VWA3B: variants seen among roughly 807,000 people sequenced by gnomAD.
VWA3B encodes the protein von Willebrand factor A domain-containing protein 3B.
Under a neutral mutation model 158.3 loss-of-function variants are expected in VWA3B, and 138 were observed. The ratio of observed to expected loss-of-function variants is 0.87; its 90% CI spans 0.76 to 1.00. The LOEUF (loss-of-function observed/expected upper bound fraction) is 1.00, where lower values mean the gene tolerates loss of function less well. Ranked by LOEUF, VWA3B falls within the 50% of genes least tolerant of loss-of-function variation. VWA3B has a pLI of 0.00. For missense variants in VWA3B, 1,555 were observed against 1,565.1 expected (o/e 0.99, Z 0.11); for synonymous variants, 596 against 587.3 (o/e 1.01, Z -0.21).
chr2:98,131,749 G>A (rs1037832545), intron 6 of VWA3B, among the ~76,000 whole-genome samples: 1 of 152,124 alleles, frequency 6.6e-6, no homozygotes, highest in African/African-American at 2.4e-5. Context: ...CTCATTCCAC[G>A]TCATAGAGAG....
chr2:98,144,870 G>A (rs1317430069), intron 7 of VWA3B, among the ~76,000 whole-genome samples: 1 of 152,256 alleles, frequency 6.6e-6, no homozygotes, highest in East Asian at 1.9e-4. Flanking sequence ...TATCCCCAGA[G>A]TTTTCGAATG....
At chr2:98,094,273 G>A (rs530524977) in intron 2 of VWA3B, among the ~76,000 whole-genome samples, 1 of 152,080 alleles carries the variant, frequency 6.6e-6, no homozygotes, top group Non-Finnish European at 1.5e-5. Flanking sequence ...GTGTGTGTGG[G>A]TATCCTTTTC....
intron 9 of VWA3B, among the ~76,000 whole-genome samples, chr2:98,181,734 A>T (rs1680599861): frequency 1.3e-5 from 2 of 152,222 alleles, no homozygotes; most frequent in Admixed American, 6.5e-5. Context: ...TTTTGTAGGA[A>T]TACAGCTTCT....
intron 9 of VWA3B, among the ~76,000 whole-genome samples, chr2:98,181,747 T>C (rs1680601319): frequency 6.6e-6 from 1 of 152,230 alleles, no homozygotes; most frequent in South Asian, 2.1e-4. Flanking sequence ...CAGCTTCTCC[T>C]AGTGCCTGAC....
At chr2:98,189,331 C>T (rs557217503) in intron 10 of VWA3B, among the ~76,000 whole-genome samples, 7 of 152,284 alleles carry the variant, frequency 4.6e-5, no homozygotes, top group African/African-American at 7.2e-5. Context: ...CGCTTGAACC[C>T]GGGAGGCGGA....
At chr2:98,193,740 C>A (rs867829138) in intron 11 of VWA3B, among the ~76,000 whole-genome samples, 2 of 152,100 alleles carry the variant, frequency 1.3e-5, no homozygotes, top group East Asian at 3.9e-4. Flanking sequence ...CAGGCGCCTG[C>A]CACCACGCCC....
chr2:98,229,669 C>T (rs142521739), intron 15 of VWA3B, among the ~76,000 whole-genome samples: 2 of 152,248 alleles, frequency 1.3e-5, no homozygotes, highest in Admixed American at 1.3e-4. Flanking sequence ...TTGTTTATAA[C>T]CGGCTTTCAC....
intron 23 of VWA3B, chr2:98,291,544 T>C (rs1689493848): frequency 6.6e-6 from 1 of 152,202 alleles, no homozygotes; most frequent in African/African-American, 2.4e-5. Flanking sequence ...TATTAAGGAT[T>C]TGCACTTTAC....
At chr2:98,143,473 G>A (rs1308908108) in intron 7 of VWA3B, among the ~76,000 whole-genome samples, 1 of 152,138 alleles carries the variant, frequency 6.6e-6, no homozygotes, top group African/African-American at 2.4e-5. Flanking sequence ...CTCTAGCTGT[G>A]TACCCCTGAG....
chr2:98,115,242 A>T (rs1674437674), intron 2 of VWA3B, among the ~76,000 whole-genome samples: 2 of 152,120 alleles, frequency 1.3e-5, no homozygotes, highest in Admixed American at 1.3e-4. Flanking sequence ...GGAATTGAAC[A>T]ATGAGAACAC....
chr2:98,314,399 CT>C (rs1381151336), downstream of VWA3B, among the ~76,000 whole-genome samples: 12 of 152,314 alleles, frequency 7.9e-5, no homozygotes, highest in African/African-American at 2.9e-4. Context: ...TTACACAGGG[CT>C]GGGAATATTT....
At position 98,188,339 on chromosome 2, in the gene VWA3B, T is replaced by C. The variant is rs367974389; in HGVS notation, c.1466+210T>C. Among the ~76,000 whole-genome samples the C allele has an allele frequency of 3.5e-4, 53 of 152,336 alleles. No individual in the cohort carries two copies. In the East Asian group the frequency reaches 5.8e-3, roughly 17 times the overall value. On this transcript the variant is annotated intron_variant, in intron 10 of 27. Coordinates refer to ENST00000477737, the MANE Select transcript of VWA3B (RefSeq NM_144992.5). Reference sequence around the variant, plus strand: ...TCCATCACCTCAAACACACGTCGTTTCTGTATGTTGTGAACATTCAAAATT... The same window carrying C: ...TCCATCACCTCAAACACACGTCGTTCCTGTATGTTGTGAACATTCAAAATT...
intron 25 of VWA3B, among the ~76,000 whole-genome samples, chr2:98,302,109 C>T (rs1690236202): frequency 1.3e-5 from 2 of 152,158 alleles, no homozygotes; most frequent in African/African-American, 4.8e-5. Flanking sequence ...GCTCCATGAG[C>T]TTGACCTCCA....
chr2:98,322,518 G>C, the VWA3B span, among the ~76,000 whole-genome samples: 1 of 152,200 alleles, frequency 6.6e-6, no homozygotes, highest in Non-Finnish European at 1.5e-5. Context: ...ATGTACAAGA[G>C]AGAACCCAGG....
chr2:98,216,399 A>T (rs1683989205), intron 13 of VWA3B, among the ~76,000 whole-genome samples: 2 of 152,268 alleles, frequency 1.3e-5, no homozygotes, highest in Non-Finnish European at 2.9e-5. Context: ...GAAAATGGAC[A>T]TGATAAAGGC....
intron 22 of VWA3B, among the ~76,000 whole-genome samples, chr2:98,285,333 C>T (rs1219166855): frequency 6.6e-6 from 1 of 151,942 alleles, no homozygotes; most frequent in Non-Finnish European, 1.5e-5. Context: ...TATTCATTCC[C>T]CAGTTAATGG....
rs1364482988 is a variant in VWA3B, at chr2:98,236,418, G to T, written c.2457G>T (p.Trp819Cys). Residue 819 changes from tryptophan (W) to cysteine (C), a missense_variant, in exon 18 of 28, where the codon TGG (tryptophan) becomes TGT (cysteine). Transcript: ENST00000477737. The stretch of plus-strand genomic sequence containing the variant: ...TGAGCATCTTGCTGGCTGAGGAGTG[G>T]CTGGATGACAAATCGTCAGAAAAGG... ...KEMSILLAEE[W>C]LDDKSSEKVT... is the part of the protein sequence containing the mutation. The T allele has an allele frequency of 1.9e-6, 3 of 1,614,106 alleles. No homozygotes were observed. The highest frequency in any genetic ancestry group is 2.5e-6 in the Non-Finnish European group (3 of 1,180,050).
chr2:98,282,060 G>A (rs1488904091), intron 22 of VWA3B, among the ~76,000 whole-genome samples: 3 of 152,200 alleles, frequency 2.0e-5, no homozygotes, highest in African/African-American at 2.4e-5. Flanking sequence ...GTTGGGAGAC[G>A]TTCTTTGACG....
At chr2:98,320,675 C>T in the VWA3B span, among the ~76,000 whole-genome samples, 1 of 152,138 alleles carries the variant, frequency 6.6e-6, no homozygotes, top group South Asian at 2.1e-4. Context: ...TGCCTCTGCT[C>T]TAGAGATCTG....
Sources: gnomAD v4.1 joint callset for allele counts (sites outside exome capture counted in the v4.1 genomes callset) on GRCh38, gnomAD v4.1.1 for gene constraint, MANE v1.5 for transcripts, NCBI Gene and HGNC (gene_info 2026-07-23, HGNC 2026-07-21) for gene names.